The following SUSD6 variants were observed in gnomAD, a reference collection of about 807,000 sequenced individuals.
SUSD6 encodes sushi domain containing 6, also known as sushi domain-containing protein 6.
A neutral mutation model predicts 28.4 loss-of-function variants in SUSD6; 16 were observed. That is an observed-to-expected ratio of 0.56 (90% CI 0.38 to 0.86). The LOEUF is 0.86. Ranked by LOEUF, SUSD6 falls within the 40% of genes least tolerant of loss-of-function variation. The probability of loss-of-function intolerance (pLI) is 0.00; values close to 1 mark genes in which losing one functional copy is unlikely to be tolerated. For synonymous variants in SUSD6, 147 were observed against 159.6 expected, an observed-to-expected ratio of 0.92 and a Z score of 0.59; for missense variants, 341 against 384.2, an observed-to-expected ratio of 0.89 and a Z score of 0.94.
Position 69,714,026 on chromosome 14 carries a change from T to C in SUSD6, c.*3047T>C, listed in dbSNP as rs1398022040. ...TTTGCCATTTCTGTATTTTATGTGC[T>C]GTGTTCCCGTTTCACTGGGTATGAA... On this transcript the variant is annotated 3_prime_UTR_variant, in exon 6 of 6. Transcript: ENST00000342745. The C allele has an allele frequency of 6.6e-6, 1 of 152,188 alleles. No individual in the cohort carries two copies. Among genetic ancestry groups the C allele is most frequent in the Non-Finnish European group, 1.5e-5 (1 of 68,042 alleles). 9.4% of individuals were successfully genotyped at this position (152,188 alleles called of 1,614,324 possible).
At chr14:69,616,273 C>G (rs1192073596) in intron 1 of SUSD6, among the ~76,000 whole-genome samples, 2 of 152,148 alleles carry the variant, frequency 1.3e-5, no homozygotes, top group Non-Finnish European at 2.9e-5. Flanking sequence ...TTCTTGCTAC[C>G]CTTTGTAGAG....
intron 5 of SUSD6, 46 bp from the exon 6 acceptor site, chr14:69,710,908 T>C (rs765389189): frequency 6.2e-7 from 1 of 1,604,738 alleles, no homozygotes; most frequent in South Asian, 1.1e-5. Context: ...TGCTCTAGAG[T>C]TCCACACAAG....
chr14:69,621,065 T>A (rs1046740085), intron 1 of SUSD6, among the ~76,000 whole-genome samples: 1 of 152,194 alleles, frequency 6.6e-6, no homozygotes, highest in African/African-American at 2.4e-5. Flanking sequence ...CCCCTATATT[T>A]TACCTCTTTG....
intron 2 of SUSD6, among the ~76,000 whole-genome samples, chr14:69,677,908 A>T (rs1885938332): frequency 6.6e-6 from 1 of 152,178 alleles, no homozygotes; most frequent in Non-Finnish European, 1.5e-5. Flanking sequence ...TCCACTGTAA[A>T]CTTAAAAAAT....
chr14:69,688,919 AT>A (rs1264529860), intron 2 of SUSD6, among the ~76,000 whole-genome samples: 1 of 152,208 alleles, frequency 6.6e-6, no homozygotes, highest in Non-Finnish European at 1.5e-5. Flanking sequence ...TTAGCCTTGC[AT>A]TCAGGGCCTA....
chr14:69,707,581 C>T (rs972236912), intron 4 of SUSD6, among the ~76,000 whole-genome samples: 8 of 151,958 alleles, frequency 5.3e-5, no homozygotes, highest in Non-Finnish European at 1.0e-4. Flanking sequence ...CATGGAGAAA[C>T]TCCGTCTCTA....
At chr14:69,667,689 C>T (rs1885765409) in intron 2 of SUSD6, among the ~76,000 whole-genome samples, 1 of 151,958 alleles carries the variant, frequency 6.6e-6, no homozygotes, top group Non-Finnish European at 1.5e-5. Context: ...GGCGGTTGCT[C>T]AGTTTCTGAT....
At chr14:69,670,731 A>C (rs930020591) in intron 2 of SUSD6, among the ~76,000 whole-genome samples, 1 of 152,272 alleles carries the variant, frequency 6.6e-6, no homozygotes, top group African/African-American at 2.4e-5. Flanking sequence ...TGCTGTTATC[A>C]TCATCGTTGT....
intron 1 of SUSD6, among the ~76,000 whole-genome samples, chr14:69,624,121 A>AT (rs1885080160): frequency 6.6e-6 from 1 of 152,114 alleles, no homozygotes; most frequent in South Asian, 2.1e-4. Flanking sequence ...CAGATGTACC[A>AT]TTTTTTATCT....
chr14:69,629,664 G>A (rs949390488), intron 1 of SUSD6, among the ~76,000 whole-genome samples: 7 of 152,220 alleles, frequency 4.6e-5, no homozygotes, highest in Non-Finnish European at 8.8e-5. Flanking sequence ...TCTTGTTTCT[G>A]TTCAAGTTGG....
At chr14:69,648,796 C>G (rs1885463485) in intron 1 of SUSD6, among the ~76,000 whole-genome samples, 1 of 152,190 alleles carries the variant, frequency 6.6e-6, no homozygotes, top group Non-Finnish European at 1.5e-5. Flanking sequence ...CCTAAACATT[C>G]TTTGAGTGAA....
At chr14:69,639,637 C>T (rs1219083785) in intron 1 of SUSD6, among the ~76,000 whole-genome samples, 1 of 152,188 alleles carries the variant, frequency 6.6e-6, no homozygotes, top group East Asian at 1.9e-4. Flanking sequence ...ACATGTACAA[C>T]TAAGGTGGAT....
At chr14:69,624,864 T>G (rs1182348804) in intron 1 of SUSD6, among the ~76,000 whole-genome samples, 2 of 152,304 alleles carry the variant, frequency 1.3e-5, no homozygotes, top group East Asian at 3.9e-4. Context: ...ATTCTGGATG[T>G]GAATGGTAAA....
chr14:69,648,867 G>T (rs1885464279), intron 1 of SUSD6, among the ~76,000 whole-genome samples: 4 of 152,170 alleles, frequency 2.6e-5, no homozygotes, highest in African/African-American at 9.7e-5. Flanking sequence ...ACTGTAGGCA[G>T]ACAAAATTAA....
intron 1 of SUSD6, among the ~76,000 whole-genome samples, chr14:69,645,941 G>T (rs1484829326): frequency 6.6e-6 from 1 of 152,058 alleles, no homozygotes; most frequent in Non-Finnish European, 1.5e-5. Flanking sequence ...GTAGAGATGG[G>T]GTTTCACCGT....
chr14:69,657,599 A>G (rs922634725), intron 1 of SUSD6, among the ~76,000 whole-genome samples: 12 of 152,208 alleles, frequency 7.9e-5, no homozygotes, highest in African/African-American at 2.9e-4. Flanking sequence ...GTAACTTAAA[A>G]AAAAGAAGTG....
intron 4 of SUSD6, 104 bp downstream of exon 4, chr14:69,704,846 T>G (rs971549953): frequency 2.4e-6 from 3 of 1,272,868 alleles, no homozygotes; most frequent in Admixed American, 2.0e-5. Flanking sequence ...TCTGTGGGTC[T>G]GTGTGTGTCC....
intron 2 of SUSD6, among the ~76,000 whole-genome samples, chr14:69,669,227 C>G (rs1165876986): frequency 1.3e-5 from 2 of 151,888 alleles, no homozygotes; most frequent in Non-Finnish European, 2.9e-5. Context: ...CCATGCCTGG[C>G]TAATTTTTGT....
chr14:69,642,549 G>A lies in SUSD6; in HGVS notation c.-80-15964G>A, dbSNP rs190140536. Among the ~76,000 whole-genome samples, 138 of 152,268 alleles carry A rather than the reference G, an allele frequency of 9.1e-4. 4 individuals carry two copies. In the East Asian group the frequency reaches 0.023, roughly 25 times the overall value. On this transcript the variant is annotated intron_variant, in intron 1 of 5. Coordinates refer to ENST00000342745, the MANE Select transcript of SUSD6 (RefSeq NM_014734.4). ...CAAGAGAAATGAGGAAGAAGCAAAAGTGGAAACCCCTGATAAACCCATCAG... is the reference window on the plus strand; with the variant it reads ...CAAGAGAAATGAGGAAGAAGCAAAAATGGAAACCCCTGATAAACCCATCAG...
Sources: gnomAD v4.1 joint callset for allele counts (sites outside exome capture counted in the v4.1 genomes callset) on GRCh38, gnomAD v4.1.1 for gene constraint, MANE v1.5 for transcripts, NCBI Gene and HGNC (gene_info 2026-07-23, HGNC 2026-07-21) for gene names.